The following RAN variants were observed in gnomAD, a reference collection of about 807,000 sequenced individuals.
RAN encodes RAN, member RAS oncogene family, also known as GTP-binding nuclear protein Ran.
Under a neutral mutation model 26.8 loss-of-function variants are expected in RAN, and 2 were observed. The ratio of observed to expected loss-of-function variants is 0.07; its 90% CI spans 0.03 to 0.23. The LOEUF (loss-of-function observed/expected upper bound fraction) is 0.23. Among genes scored for constraint, RAN ranks in the 10% least tolerant of loss-of-function variants. The pLI is 1.00. For missense variants in RAN, 56 were observed against 264.8 expected (o/e 0.21, Z 5.47); for synonymous variants, 132 against 95.9 (o/e 1.38, Z -2.20).
At chr12:130,873,299 A>C in intron 4 of RAN, 171 bp downstream of exon 4, 1 of 818,396 alleles carries the variant, frequency 1.2e-6, no homozygotes, top group South Asian at 1.8e-5. Context: ...AAATTTTATT[A>C]AAGTTGTGTC....
At chr12:130,873,441 T>C (rs1953176603) in intron 4 of RAN, 1 of 309,384 alleles carries the variant, frequency 3.2e-6, no homozygotes, top group Non-Finnish European at 6.2e-6. Context: ...GGTTCATGTA[T>C]GTATTTTGGT....
chr12:130,875,587 G>T, intron 5 of RAN, 25 bp from the exon 6 acceptor site: 3 of 1,526,234 alleles, frequency 2.0e-6, no homozygotes, highest in Non-Finnish European at 2.6e-6. Context: ...ATTTTAAAAA[G>T]TAATTTTACC....
chr12:130,874,791 C>A, intron 5 of RAN, 58 bp downstream of exon 5: 1 of 1,389,538 alleles, frequency 7.2e-7, no homozygotes, highest in South Asian at 1.3e-5. Context: ...TATGTAAGAC[C>A]ATGAAATTAA....
intron 5 of RAN, 44 bp from the exon 6 acceptor site, chr12:130,875,568 T>G: frequency 6.8e-6 from 10 of 1,477,616 alleles, no homozygotes; most frequent in Non-Finnish European, 9.1e-6. Context: ...ATCGTCATCT[T>G]AATAATGAAT....
intron 1 of RAN, 41 bp from the exon 2 acceptor site, chr12:130,872,543 G>C: frequency 7.1e-7 from 1 of 1,416,022 alleles, no homozygotes; most frequent in Non-Finnish European, 9.2e-7. Context: ...CATGGGCTGC[G>C]GGGCCGCGCG....
At chr12:130,874,838 C>A in intron 5 of RAN, 105 bp downstream of exon 5, 1 of 1,033,336 alleles carries the variant, frequency 9.7e-7, no homozygotes. Flanking sequence ...TTTTTTTTTC[C>A]CCAAGACGGA....
intron 5 of RAN, among the ~76,000 whole-genome samples, chr12:130,875,131 T>C (rs895634104): frequency 6.5e-4 from 99 of 152,098 alleles, no homozygotes; most frequent in African/African-American, 2.3e-3. Flanking sequence ...CGGCCGGAAA[T>C]AATTTTGTCT....
intron 1 of RAN, 64 bp from the exon 2 acceptor site, chr12:130,872,520 G>A: frequency 3.3e-6 from 4 of 1,230,720 alleles, no homozygotes; most frequent in Non-Finnish European, 4.1e-6. Context: ...TGGGGGCGCG[G>A]GAGCGGGGCC....
At chr12:130,872,977 A>G (rs1256682647) in intron 3 of RAN, 26 bp from the exon 4 acceptor site, 1 of 1,614,140 alleles carries the variant, frequency 6.2e-7, no homozygotes, top group Admixed American at 1.7e-5. Flanking sequence ...AAGTTCATCC[A>G]CTCAATCGCA....
intron 4 of RAN, 185 bp from the exon 5 acceptor site, chr12:130,874,361 C>A (rs767074043): frequency 3.8e-6 from 2 of 530,842 alleles, no homozygotes; most frequent in Non-Finnish European, 6.6e-6. Flanking sequence ...GTCAGCTCAT[C>A]TCTCTTAGGA....
At position 130,877,657 on chromosome 12, in the gene RAN, T is replaced by C. The variant is rs572441701; in HGVS notation, c.*1731T>C. 2 of 152,336 alleles carry C rather than the reference T, an allele frequency of 1.3e-5. No homozygotes were observed. Among genetic ancestry groups the C allele is most frequent in the South Asian group, 4.1e-4 (2 of 4,828 alleles). 9.4% of individuals were successfully genotyped at this position (152,336 alleles called of 1,614,324 possible). A position where few individuals can be genotyped will look rare whatever the true frequency, so the allele number is the denominator to read the frequency against. On this transcript the variant is annotated 3_prime_UTR_variant, in exon 7 of 7. Transcript: ENST00000543796. ...TTGAAAGAATAATTGTTGCAAAATATATTGCTTCTACTTTGCCTGGATTTT... is the reference window on the plus strand; with the variant it reads ...TTGAAAGAATAATTGTTGCAAAATACATTGCTTCTACTTTGCCTGGATTTT...
At chr12:130,874,512 C>CT (rs1953202028) in intron 4 of RAN, 34 bp from the exon 5 acceptor site, 1 of 1,488,812 alleles carries the variant, frequency 6.7e-7, no homozygotes. Flanking sequence ...GTGCAGTAAA[C>CT]TGAGTGTACT....
chr12:130,875,362 C>G (rs545488273), intron 5 of RAN, among the ~76,000 whole-genome samples: 16 of 151,992 alleles, frequency 1.1e-4, no homozygotes, highest in Non-Finnish European at 2.2e-4. Context: ...GCTGGGCTCA[C>G]AGGCACTCAC....
In RAN at chr12:130,873,147, C is replaced by T. The variant is rs376309428; in HGVS notation, c.247+19C>T. The T allele has an allele frequency of 1.2e-6, 2 of 1,613,884 alleles. No homozygotes were observed. The highest frequency in any genetic ancestry group is 1.6e-4 in the Middle Eastern group (1 of 6,082). On this transcript the variant is annotated intron_variant, in intron 4 of 6. Transcript: ENST00000543796. Reference sequence around the variant, plus strand: ...ATCCAAGGTAGGCATTTGTAACTTGCTGAACGGTTTTTGAGAGGTTTTGTG... The same window carrying T: ...ATCCAAGGTAGGCATTTGTAACTTGTTGAACGGTTTTTGAGAGGTTTTGTG...
In RAN at chr12:130,875,647, T is replaced by C. The variant is rs773194480; in HGVS notation, c.471T>C (p.Phe157=). Residue 157 remains phenylalanine (F), a synonymous_variant, in exon 6 of 7, where the codon TTT becomes TTC. Transcript: ENST00000543796. The part of the protein sequence containing the change: ...YDISAKSNYN[F]EKPFLWLARK... Reference sequence around the variant, plus strand: ...TTTCTGCCAAAAGTAACTACAACTTTGAAAAGCCCTTCCTCTGGCTTGCTA... The same window carrying C: ...TTTCTGCCAAAAGTAACTACAACTTCGAAAAGCCCTTCCTCTGGCTTGCTA... 1.9e-6 allele frequency: 3 copies of C among 1,609,952 alleles called. No homozygotes were observed. Among genetic ancestry groups the C allele is most frequent in the African/African-American group, 1.3e-5 (1 of 74,744 alleles).
intron 4 of RAN, 130 bp downstream of exon 4, chr12:130,873,258 G>A (rs920323528): frequency 3.9e-6 from 5 of 1,295,958 alleles, no homozygotes; most frequent in Non-Finnish European, 4.3e-6. Flanking sequence ...AGTGGACTTC[G>A]GGGAGTTGAC....
chr12:130,872,712 G>C, intron 2 of RAN, 83 bp downstream of exon 2: 2 of 1,555,160 alleles, frequency 1.3e-6, no homozygotes, highest in East Asian at 2.3e-5. Context: ...CACGATGGCT[G>C]TAATGGGGCC....
intron 4 of RAN, chr12:130,874,247 G>C (rs1387158412): frequency 3.2e-6 from 1 of 312,098 alleles, no homozygotes; most frequent in African/African-American, 2.2e-5. Context: ...CTCAGAATAT[G>C]GCAGCTTGGT....
Position 130,874,541 on chromosome 12 carries a change from T to C in RAN, c.248-5T>C. 1 of 1,568,236 alleles carries C rather than the reference T, an allele frequency of 6.4e-7. No individual in the cohort carries two copies. Among genetic ancestry groups the C allele is most frequent in the East Asian group, 2.2e-5 (1 of 44,564 alleles). ...GTGTACTAATTCCCACAAATGTTTCTTCAGCCCAGTGTGCCATCATAATGT... is the reference window on the plus strand; with the variant it reads ...GTGTACTAATTCCCACAAATGTTTCCTCAGCCCAGTGTGCCATCATAATGT... On this transcript the variant is annotated splice_region_variant and splice_polypyrimidine_tract_variant and intron_variant, in intron 4 of 6. Transcript: ENST00000543796.
Sources: gnomAD v4.1 joint callset for allele counts (sites outside exome capture counted in the v4.1 genomes callset) on GRCh38, gnomAD v4.1.1 for gene constraint, MANE v1.5 for transcripts, NCBI Gene and HGNC (gene_info 2026-07-23, HGNC 2026-07-21) for gene names.